The following CYP26B1 variants were observed in gnomAD, a reference collection of about 807,000 sequenced individuals.
The protein encoded by CYP26B1 is cytochrome P450 family 26 subfamily B member 1, also known as cytochrome P450 26B1.
CYP26B1 carries 8 observed loss-of-function variants against 39.1 expected under a neutral mutation model. The observed-to-expected ratio is 0.20, with a 90% CI of 0.12 to 0.37. CYP26B1 has a LOEUF of 0.37. CYP26B1 is among the 10% of genes least tolerant of loss of function. CYP26B1 has a pLI of 1.00. For synonymous variants in CYP26B1, 321 were observed against 314.3 expected, an observed-to-expected ratio of 1.02 and a Z score of -0.23; for missense variants, 615 against 707.0, an observed-to-expected ratio of 0.87 and a Z score of 1.48.
intron 1 of CYP26B1, among the ~76,000 whole-genome samples, chr2:72,146,445 G>C (rs1677126330): frequency 6.6e-6 from 1 of 152,200 alleles, no homozygotes; most frequent in Non-Finnish European, 1.5e-5. Flanking sequence ...GCCTAATCCG[G>C]GACGTGGAAA....
intron 2 of CYP26B1, among the ~76,000 whole-genome samples, chr2:72,143,264 T>C (rs1005026651): frequency 6.6e-6 from 1 of 152,194 alleles, no homozygotes; most frequent in African/African-American, 2.4e-5. Context: ...GCTGGGAGCC[T>C]AGCGCAGCCG....
In CYP26B1 at chr2:72,129,508, TAACA is replaced by T. The variant is rs1021532949; in HGVS notation, c.*2715_*2718del. The T allele has an allele frequency of 4.6e-5, 7 of 152,646 alleles. No homozygotes were observed. Among genetic ancestry groups the T allele is most frequent in the East Asian group, 1.9e-4 (1 of 5,188 alleles). 9.5% of individuals were successfully genotyped at this position (152,646 alleles called of 1,614,324 possible). ...AGAGCAAAATTCATATTTTACTAAA[TAACA>T]AATATTTAACAGCAAAAACTTTATA... is the stretch of plus-strand genomic sequence containing the variant. On this transcript the variant is annotated 3_prime_UTR_variant, in exon 6 of 6. Transcript: ENST00000001146.
At position 72,143,889 on chromosome 2, in the gene CYP26B1, G is replaced by C. The variant is rs548585506; in HGVS notation, c.429+100C>G. Reference sequence around the variant, plus strand: ...GAGTCTTCAAGCATGGTGTGCAAAGGGGGGCACAGATTCGGTAGGGGACAT... The same window carrying C: ...GAGTCTTCAAGCATGGTGTGCAAAGCGGGGCACAGATTCGGTAGGGGACAT... On this transcript the variant is annotated intron_variant, in intron 2 of 5. Transcript: ENST00000001146. 4.9e-4 allele frequency: 685 copies of C among 1,396,204 alleles called. 7 individuals are homozygous for C. The highest frequency in any genetic ancestry group is 4.4e-3 in the African/African-American group (307 of 70,536). The allele number at this position is 1,396,204 out of a possible 1,614,324, so 86.5% of individuals were successfully genotyped here.
intron 5 of CYP26B1, 115 bp downstream of exon 5, chr2:72,132,908 G>C: frequency 1.3e-6 from 2 of 1,523,520 alleles, no homozygotes; most frequent in Non-Finnish European, 1.8e-6. Context: ...CTGAAAGCAA[G>C]CACTGTTTCC....
chr2:72,146,194 G>A (rs1242504975), intron 1 of CYP26B1, among the ~76,000 whole-genome samples: 2 of 152,194 alleles, frequency 1.3e-5, no homozygotes, highest in Non-Finnish European at 2.9e-5. Context: ...AACGAAGTGG[G>A]GGTGGGTGGT....
At position 72,129,599 on chromosome 2, in the gene CYP26B1, C is replaced by T. The variant is rs369432569; in HGVS notation, c.*2628G>A. The T allele has an allele frequency of 5.4e-5, 8 of 147,368 alleles. No homozygotes were observed. In the East Asian group the frequency reaches 1.7e-3, roughly 31 times the overall value. The allele number at this position is 147,368 out of a possible 1,614,324, so 9.1% of individuals were successfully genotyped here. Reference sequence around the variant, plus strand: ...TTATAATAGTTTATAAAGACAGACACAAAATTATAACATTTATGAAAAAAA... The same window carrying T: ...TTATAATAGTTTATAAAGACAGACATAAAATTATAACATTTATGAAAAAAA... On this transcript the variant is annotated 3_prime_UTR_variant, in exon 6 of 6. Transcript: ENST00000001146.
chr2:72,133,404 T>C (rs111684152), intron 4 of CYP26B1, 97 bp from the exon 5 acceptor site: 1 of 1,442,392 alleles, frequency 6.9e-7, no homozygotes, highest in African/African-American at 1.4e-5. Flanking sequence ...AGGTCATCTG[T>C]GCTGGGCCCT....
At chr2:72,139,812 T>C (rs954551365) in intron 2 of CYP26B1, among the ~76,000 whole-genome samples, 4 of 152,234 alleles carry the variant, frequency 2.6e-5, no homozygotes, top group Non-Finnish European at 5.9e-5. Flanking sequence ...CCAGAAGTCC[T>C]GAACTCCCTG....
rs1388720180 is a variant in CYP26B1 at position 72,133,287 on chromosome 2, G to T, written c.882C>A (p.Ile294=). 6.2e-7 allele frequency: 1 copy of T among 1,607,792 alleles called. No homozygotes were observed. The highest frequency in any genetic ancestry group is 1.3e-5 in the African/African-American group (1 of 75,074). The change falls in exon 5 of 6, where the codon ATC becomes ATA. Residue 294 remains isoleucine, a synonymous_variant. Transcript: ENST00000001146. ...TGGCCGTGGTGGCATAGGCCGCAAA[G>T]ATCAGCTCCAGGGTCCCGTCCTGCA... ...QELKDGTLEL[I]FAAYATTASA...
rs1676505355 is a variant in CYP26B1 at position 72,129,803 on chromosome 2, A to C, written c.*2424T>G. On this transcript the variant is annotated 3_prime_UTR_variant, in exon 6 of 6. Transcript: ENST00000001146. ...CAATAGTTAGGGATGATAAGTAAGA[A>C]ACATCACCCATCTAATGCTAGCTGT... 6.6e-6 allele frequency: 1 copy of C among 152,034 alleles called. No homozygotes were observed. The highest frequency in any genetic ancestry group is 2.4e-5 in the African/African-American group (1 of 41,120). 9.4% of individuals were successfully genotyped at this position (152,034 alleles called of 1,614,324 possible).
chr2:72,142,652 G>A (rs1220384444), intron 2 of CYP26B1, among the ~76,000 whole-genome samples: 2 of 152,208 alleles, frequency 1.3e-5, no homozygotes, highest in Non-Finnish European at 2.9e-5. Flanking sequence ...CTCTGGTGGA[G>A]TCGCAAAGGC....
chr2:72,133,122 A>G lies in CYP26B1; in HGVS notation c.1047T>C (p.Ser349=). 6.2e-7 allele frequency: 1 copy of G among 1,613,074 alleles called. No homozygotes were observed. The highest frequency in any genetic ancestry group is 1.7e-5 in the Admixed American group (1 of 60,034). ...CEGTLRLDTL[S]GLRYLDCVIK... is the part of the protein sequence containing the mutation. ...TGACGCAGTCCAGGTAGCGCAGCCCACTGAGCGTGTCCAGGCGCAGTGTGC... is the reference window on the plus strand; with the variant it reads ...TGACGCAGTCCAGGTAGCGCAGCCCGCTGAGCGTGTCCAGGCGCAGTGTGC... The change falls in exon 5 of 6, where the codon AGT becomes AGC. Residue 349 remains serine (S), a synonymous_variant. Coordinates refer to ENST00000001146, the MANE Select transcript of CYP26B1 (RefSeq NM_019885.4).
chr2:72,134,884 C>A lies in CYP26B1; in HGVS notation c.738G>T (p.Gly246=). The change falls in exon 4 of 6, where the codon GGG becomes GGT. Residue 246 remains glycine, a synonymous_variant. Transcript: ENST00000001146. The part of the protein sequence containing the change: ...GIQARQILQK[G]LEKAIREKLQ... ...GCTTCTCCCGGATGGCCTTCTCCAG[C>A]CCCTTCTGCAGGATCTGCCGAGCCT... 6.2e-7 allele frequency: 1 copy of A among 1,614,066 alleles called. No homozygotes were observed. The highest frequency in any genetic ancestry group is 8.5e-7 in the Non-Finnish European group (1 of 1,180,008).
rs372196162 is a variant in CYP26B1, at chr2:72,144,230, C to G, written c.205-17G>C. On this transcript the variant is annotated splice_polypyrimidine_tract_variant and intron_variant, in intron 1 of 5. Transcript: ENST00000001146. ...GCCAGAACCCTGCGGGAGCCACACC[C>G]GGGTCTCTCTCAGGGTGCACTTCTG... 6.3e-7 allele frequency: 1 copy of G among 1,576,598 alleles called. No individual in the cohort carries two copies.
Position 72,144,079 on chromosome 2 carries a change from C to T in CYP26B1, c.339G>A (p.Val113=). The T allele has an allele frequency of 4.3e-6, 7 of 1,613,674 alleles. No individual in the cohort carries two copies. Among genetic ancestry groups the T allele is most frequent in the Non-Finnish European group, 5.9e-6 (7 of 1,179,782 alleles). Residue 113 remains valine (V), a synonymous_variant, in exon 2 of 6, where the codon GTG becomes GTA. Coordinates refer to ENST00000001146, the MANE Select transcript of CYP26B1 (RefSeq NM_019885.4). ...RKILMGEHHL[V]STEWPRSTRM... ...GGGTGCTGCGAGGCCACTCGGTGCT[C>T]ACGAGGTGGTGCTCGCCCATGAGGA...
chr2:72,136,541 T>G (rs1046854207), intron 2 of CYP26B1, among the ~76,000 whole-genome samples: 27 of 151,922 alleles, frequency 1.8e-4, no homozygotes, highest in African/African-American at 6.5e-4. Context: ...AAATTCCCGG[T>G]GGAGGGAAGG....
intron 2 of CYP26B1, among the ~76,000 whole-genome samples, chr2:72,141,160 AC>A (rs1291064993): frequency 6.6e-6 from 1 of 152,032 alleles, no homozygotes; most frequent in Non-Finnish European, 1.5e-5. Context: ...CAGCCTCTCT[AC>A]ACACAAAGAG....
intron 2 of CYP26B1, among the ~76,000 whole-genome samples, chr2:72,138,708 G>A (rs1676849505): frequency 6.6e-6 from 1 of 152,172 alleles, no homozygotes; most frequent in Non-Finnish European, 1.5e-5. Context: ...AGGAGCGCAT[G>A]TCCAGGTTTA....
intron 2 of CYP26B1, among the ~76,000 whole-genome samples, chr2:72,139,635 G>A (rs896731836): frequency 6.6e-6 from 1 of 152,236 alleles, no homozygotes; most frequent in Non-Finnish European, 1.5e-5. Context: ...GCAAGACAGG[G>A]AGGGGCGGGC....
Sources: gnomAD v4.1 joint callset for allele counts (sites outside exome capture counted in the v4.1 genomes callset) on GRCh38, gnomAD v4.1.1 for gene constraint, MANE v1.5 for transcripts, NCBI Gene and HGNC (gene_info 2026-07-23, HGNC 2026-07-21) for gene names.